PLB1: variants seen among roughly 807,000 people sequenced by gnomAD.
The protein encoded by PLB1 is phospholipase B1, membrane-associated.
In PLB1, 242 loss-of-function variants were observed where a neutral mutation model predicts 227.4. That is an observed-to-expected ratio of 1.06 (90% CI 0.96 to 1.18). PLB1 has a LOEUF of 1.18. PLB1 is among the 50% of genes most tolerant of loss of function. The pLI is 0.00. For missense variants in PLB1, 1,858 were observed against 1,816.3 expected (o/e 1.02, Z -0.42); for synonymous variants, 757 against 682.2 (o/e 1.11, Z -1.71).
intron 4 of PLB1, among the ~76,000 whole-genome samples, chr2:28,521,193 G>T (rs1295531900): frequency 1.3e-5 from 2 of 152,142 alleles, no homozygotes; most frequent in African/African-American, 4.8e-5. Context: ...CACTTGGGTT[G>T]CCTCCACCTC....
At chr2:28,639,634 T>C (rs1394643524) in intron 56 of PLB1, among the ~76,000 whole-genome samples, 1 of 152,224 alleles carries the variant, frequency 6.6e-6, no homozygotes, top group African/African-American at 2.4e-5. Flanking sequence ...GATGCACTCA[T>C]CAAACCCTTG....
Position 28,569,977 on chromosome 2 carries a change from AAAGAAAG to A in PLB1, c.1324+3141_1324+3147del, listed in dbSNP as rs1442577904. 1.8e-4 allele frequency among the ~76,000 whole-genome samples: 21 copies of A among 116,474 alleles called. 2 individuals carry two copies. The highest frequency in any genetic ancestry group is 2.9e-4 in the African/African-American group (11 of 37,762). The allele number at this position is 116,474 out of a possible 152,430, so 76.4% of individuals were successfully genotyped here. Reference sequence around the variant, plus strand: ...CGAGACTCCATCTCAAAAAAAAAAAAAAGAAAGAAAAAAGAAAATCTGAATAGATTTA... The same window carrying A: ...CGAGACTCCATCTCAAAAAAAAAAAAAAAAAAGAAAATCTGAATAGATTTA... On this transcript the variant is annotated intron_variant, in intron 20 of 57. Coordinates refer to ENST00000327757, the MANE Select transcript of PLB1 (RefSeq NM_153021.5).
At chr2:28,523,674 A>G (rs1572736411) in intron 4 of PLB1, among the ~76,000 whole-genome samples, 1 of 149,788 alleles carries the variant, frequency 6.7e-6, no homozygotes, top group African/African-American at 2.5e-5. Flanking sequence ...TCTCTTTACC[A>G]CCCTCTCCTC....
chr2:28,598,112 G>A (rs1179880906), intron 34 of PLB1, 64 bp downstream of exon 34: 43 of 1,403,406 alleles, frequency 3.1e-5, no homozygotes, highest in South Asian at 3.8e-5. Context: ...TTGGCTTCCC[G>A]AAAGTGCCTC....
chr2:28,515,569 C>A (rs570634570), intron 1 of PLB1, among the ~76,000 whole-genome samples: 1 of 152,318 alleles, frequency 6.6e-6, no homozygotes, highest in African/African-American at 2.4e-5. Context: ...AGTGCCTGAT[C>A]TCACAGTGGG....
chr2:28,643,950 T>G lies in PLB1; in HGVS notation c.*889T>G. Reference sequence around the variant, plus strand: ...GGGGCGAGGCCCCGTGCTGGAGGCCTTCCACAGATGGTCTCTTTTATGCTG... The same window carrying G: ...GGGGCGAGGCCCCGTGCTGGAGGCCGTCCACAGATGGTCTCTTTTATGCTG... On this transcript the variant is annotated 3_prime_UTR_variant, in exon 58 of 58. Transcript: ENST00000327757. Among the ~76,000 whole-genome samples, 1 of 152,228 alleles carries G rather than the reference T, an allele frequency of 6.6e-6. No individual in the cohort carries two copies. The highest frequency in any genetic ancestry group is 1.9e-4 in the East Asian group (1 of 5,194).
chr2:28,592,330 C>T (rs1369116746), intron 31 of PLB1, among the ~76,000 whole-genome samples: 2 of 152,146 alleles, frequency 1.3e-5, no homozygotes, highest in South Asian at 2.1e-4. Context: ...TGACCACTGG[C>T]ACTAAAATGA....
intron 10 of PLB1, 152 bp from the exon 11 acceptor site, chr2:28,538,947 C>G: frequency 1.5e-6 from 1 of 660,550 alleles, no homozygotes; most frequent in Admixed American, 2.2e-5. Flanking sequence ...TGACCCTGAC[C>G]AAACATCTCC....
chr2:28,622,308 G>A (rs1227886212), intron 49 of PLB1, among the ~76,000 whole-genome samples: 1 of 152,122 alleles, frequency 6.6e-6, no homozygotes, highest in African/African-American at 2.4e-5. Context: ...TGTGACCTTG[G>A]GCAAGTTGCC....
intron 23 of PLB1, among the ~76,000 whole-genome samples, chr2:28,581,231 C>T (rs546467583): frequency 3.0e-4 from 46 of 152,174 alleles, no homozygotes; most frequent in Middle Eastern, 6.8e-3. Flanking sequence ...TTTCACAGGA[C>T]GCTCTTCCCC....
chr2:28,560,806 A>G (rs1675941074), intron 17 of PLB1, among the ~76,000 whole-genome samples: 1 of 152,210 alleles, frequency 6.6e-6, no homozygotes, highest in South Asian at 2.1e-4. Flanking sequence ...AAAGCAGATT[A>G]CTGGTTACCA....
At chr2:28,615,002 AG>A (rs1685992690) in intron 44 of PLB1, among the ~76,000 whole-genome samples, 1 of 152,122 alleles carries the variant, frequency 6.6e-6, no homozygotes, top group South Asian at 2.1e-4. Flanking sequence ...GACAGCTCTG[AG>A]GAGCGTGATG....
intron 44 of PLB1, among the ~76,000 whole-genome samples, chr2:28,615,259 G>T (rs1686029523): frequency 2.0e-5 from 3 of 152,138 alleles, no homozygotes; most frequent in Non-Finnish European, 4.4e-5. Flanking sequence ...TGGGGGAAAT[G>T]AGATCAGGAG....
At chr2:28,542,212 C>G (rs1451185874) in intron 13 of PLB1, among the ~76,000 whole-genome samples, 1 of 152,022 alleles carries the variant, frequency 6.6e-6, no homozygotes, top group African/African-American at 2.4e-5. Context: ...CCTCTTCCAC[C>G]TTACCCCAAT....
chr2:28,630,438 C>A (rs773964096), intron 53 of PLB1, 148 bp from the exon 54 acceptor site: 11 of 597,420 alleles, frequency 1.8e-5, no homozygotes, highest in African/African-American at 3.7e-5. Context: ...TGTGGGGATA[C>A]TTGTGTGTCA....
At chr2:28,586,824 T>G (rs1256398259) in intron 26 of PLB1, among the ~76,000 whole-genome samples, 1 of 152,306 alleles carries the variant, frequency 6.6e-6, no homozygotes, top group East Asian at 1.9e-4. Context: ...CTTGGCTCAC[T>G]GCAGCCTTGA....
intron 51 of PLB1, among the ~76,000 whole-genome samples, 166 bp from the exon 52 acceptor site, chr2:28,628,396 GA>G (rs1355527729): frequency 1.3e-5 from 2 of 152,172 alleles, no homozygotes; most frequent in African/African-American, 4.8e-5. Flanking sequence ...ATTCCTTACA[GA>G]GACTCAGCAG....
At chr2:28,619,996 A>G (rs1558933031) in intron 46 of PLB1, among the ~76,000 whole-genome samples, 1 of 152,064 alleles carries the variant, frequency 6.6e-6, no homozygotes, top group Non-Finnish European at 1.5e-5. Context: ...CTCAGTTAGG[A>G]ACACGGCAAA....
intron 29 of PLB1, 151 bp from the exon 30 acceptor site, chr2:28,590,982 C>T: frequency 1.1e-6 from 1 of 924,182 alleles, no homozygotes; most frequent in African/African-American, 1.6e-5. Flanking sequence ...CCCCCTGCAT[C>T]TTGGGAGGGA....
Sources: allele counts gnomAD v4.1 joint callset (sites outside exome capture counted in the v4.1 genomes callset), GRCh38; gene constraint gnomAD v4.1.1; transcripts MANE v1.5; gene names NCBI Gene and HGNC (gene_info 2026-07-23, HGNC 2026-07-21).